The following WDR20 variants were observed in gnomAD, a reference collection of about 807,000 sequenced individuals.
WDR20 encodes WD repeat domain 20.
WDR20 carries 3 observed loss-of-function variants against 38.7 expected under a neutral mutation model. That is an observed-to-expected ratio of 0.08 (90% CI 0.04 to 0.20). The LOEUF (loss-of-function observed/expected upper bound fraction) is 0.20. Ranked by LOEUF, WDR20 falls within the 10% of genes least tolerant of loss-of-function variation. WDR20 has a pLI of 1.00. For synonymous variants in WDR20, 298 were observed against 285.6 expected, an observed-to-expected ratio of 1.04 and a Z score of -0.44; for missense variants, 559 against 727.7, an observed-to-expected ratio of 0.77 and a Z score of 2.67.
intron 1 of WDR20, chr14:102,193,439 A>G (rs542527876): frequency 8.1e-6 from 13 of 1,609,390 alleles, no homozygotes; most frequent in Admixed American, 6.7e-5. Context: ...TTTCATGTAT[A>G]TATTCTCTTA....
chr14:102,140,205 C>T, intron 1 of WDR20, 33 bp downstream of exon 1: 2 of 1,605,242 alleles, frequency 1.2e-6, no homozygotes, highest in Non-Finnish European at 1.7e-6. Context: ...AGCCAGCCAG[C>T]GGCGTAGGCA....
intron 1 of WDR20, among the ~76,000 whole-genome samples, chr14:102,180,851 A>C (rs1460226728): frequency 6.6e-6 from 1 of 152,176 alleles, no homozygotes; most frequent in Non-Finnish European, 1.5e-5. Context: ...CTAGTTTAAA[A>C]TTGCTGCCTG....
At chr14:102,223,718 A>G (rs1012964078), downstream of WDR20, 1 of 152,282 alleles carries the variant, frequency 6.6e-6, no homozygotes, top group African/African-American at 2.4e-5. Context: ...TGTCCTGTAC[A>G]TTTGGGTTGA....
intron 1 of WDR20, among the ~76,000 whole-genome samples, chr14:102,172,636 G>A (rs1336135730): frequency 2.8e-5 from 4 of 142,300 alleles, no homozygotes; most frequent in East Asian, 2.1e-4. Flanking sequence ...CTCACCTCCC[G>A]GACGGGGCGG....
intron 1 of WDR20, among the ~76,000 whole-genome samples, chr14:102,145,818 C>G (rs2053425310): frequency 6.6e-6 from 1 of 152,074 alleles, no homozygotes; most frequent in South Asian, 2.1e-4. Flanking sequence ...CTCAGAATTA[C>G]TTAACATTCA....
chr14:102,169,859 T>C (rs2060474826), intron 1 of WDR20, among the ~76,000 whole-genome samples: 1 of 152,164 alleles, frequency 6.6e-6, no homozygotes, highest in African/African-American at 2.4e-5. Context: ...AAAGTCTGCA[T>C]TGGGAATTAG....
Position 102,208,319 on chromosome 14 carries a change from C to T in WDR20, c.433-284C>T, listed in dbSNP as rs1284966754. Among the ~76,000 whole-genome samples, 1 of 152,236 alleles carries T rather than the reference C, an allele frequency of 6.6e-6. No individual in the cohort carries two copies. Reference sequence around the variant, plus strand: ...TGTTCCCTCCGCAGTGAACCCTGTGCCTGGCATCGTGTCTGGCACTTAGTG... The same window carrying T: ...TGTTCCCTCCGCAGTGAACCCTGTGTCTGGCATCGTGTCTGGCACTTAGTG... On this transcript the variant is annotated intron_variant, in intron 2 of 2. Coordinates refer to ENST00000342702, the MANE Select transcript of WDR20 (RefSeq NM_144574.4). This position sits in a 1 kb window ranked among gnomAD's most constrained non-coding sequence, Gnocchi z 5.6.
chr14:102,150,278 C>G (rs1023337160), intron 1 of WDR20, among the ~76,000 whole-genome samples: 5 of 152,028 alleles, frequency 3.3e-5, no homozygotes, highest in Non-Finnish European at 7.4e-5. Flanking sequence ...GAGTTGGAAA[C>G]AAGCCTGGAC....
chr14:102,174,564 C>T (rs952885897), intron 1 of WDR20, among the ~76,000 whole-genome samples: 3 of 152,122 alleles, frequency 2.0e-5, no homozygotes, highest in African/African-American at 4.8e-5. Context: ...GGACTACAGG[C>T]GCCCGCCACC....
chr14:102,140,962 G>A (rs1022835558), intron 1 of WDR20, among the ~76,000 whole-genome samples: 2 of 152,162 alleles, frequency 1.3e-5, no homozygotes, highest in Non-Finnish European at 2.9e-5. Context: ...TCCCAAACAG[G>A]GAGTGATATG....
chr14:102,161,291 C>T (rs926651713), intron 1 of WDR20, among the ~76,000 whole-genome samples: 4 of 148,772 alleles, frequency 2.7e-5, no homozygotes, highest in Admixed American at 6.8e-5. Flanking sequence ...GCTGGAATTA[C>T]AGGTGCCTAG....
At chr14:102,224,110 C>G (rs1306167018), downstream of WDR20, among the ~76,000 whole-genome samples, 1 of 147,174 alleles carries the variant, frequency 6.8e-6, no homozygotes, top group Non-Finnish European at 1.5e-5. Flanking sequence ...GGCGCAATCT[C>G]GGCTCACTGC....
At chr14:102,211,146 A>G (rs2062472027), downstream of WDR20, among the ~76,000 whole-genome samples, 1 of 152,178 alleles carries the variant, frequency 6.6e-6, no homozygotes, top group Non-Finnish European at 1.5e-5. This position sits in a 1 kb window ranked among gnomAD's most constrained non-coding sequence, Gnocchi z 4.2. Flanking sequence ...CCAGTGGGTG[A>G]GATGGCCCCT....
At chr14:102,224,037 ATTTT>A (rs533802492), downstream of WDR20, among the ~76,000 whole-genome samples, 4 of 123,114 alleles carry the variant, frequency 3.2e-5, no homozygotes, top group East Asian at 2.3e-4. Context: ...TTTACCTGAG[ATTTT>A]TTTTTTTTTT....
intron 1 of WDR20, among the ~76,000 whole-genome samples, chr14:102,188,366 G>C (rs549919185): frequency 1.3e-5 from 2 of 152,308 alleles, no homozygotes; most frequent in South Asian, 4.1e-4. Flanking sequence ...TCGGGTTCAA[G>C]TCCTTCCTCC....
At position 102,207,690 on chromosome 14, in the gene WDR20, C is replaced by T. The variant is rs1489317269; in HGVS notation, c.433-913C>T. ...GCGCTCAGACGGTCCAGAAAGGGAC[C>T]GCCCCTGTGGAAGGTGTTGCGCTGG... On this transcript the variant is annotated intron_variant, in intron 2 of 2. Transcript: ENST00000342702. This position sits in a 1 kb window ranked among gnomAD's most constrained non-coding sequence, Gnocchi z 5.0. Among the ~76,000 whole-genome samples, 3 of 152,152 alleles carry T rather than the reference C, an allele frequency of 2.0e-5. No individual in the cohort carries two copies. The highest frequency in any genetic ancestry group is 2.9e-5 in the Non-Finnish European group (2 of 68,040).
intron 1 of WDR20, among the ~76,000 whole-genome samples, chr14:102,160,769 C>T (rs1035521116): frequency 3.3e-5 from 5 of 150,988 alleles, no homozygotes; most frequent in African/African-American, 7.3e-5. Context: ...GGTGAAACCC[C>T]GTCTCTACTA....
intron 2 of WDR20, among the ~76,000 whole-genome samples, chr14:102,203,306 A>G (rs1457082730): frequency 6.6e-6 from 1 of 152,254 alleles, no homozygotes; most frequent in Non-Finnish European, 1.5e-5. Context: ...TGTATTTTAT[A>G]TATATATCTC....
chr14:102,197,640 T>C (rs779956006), intron 2 of WDR20: 53 of 588,338 alleles, frequency 9.0e-5, no homozygotes, highest in Non-Finnish European at 1.4e-4. Flanking sequence ...AACCAGCTTG[T>C]CTTATAAAAG....
Sources: gnomAD v4.1 joint callset for allele counts (sites outside exome capture counted in the v4.1 genomes callset) on GRCh38, gnomAD v4.1.1 for gene constraint, Gnocchi (gnomAD v3.1) non-coding constraint, MANE v1.5 for transcripts, NCBI Gene and HGNC (gene_info 2026-07-23, HGNC 2026-07-21) for gene names.